PPP2R2C: variants seen among roughly 807,000 people sequenced by gnomAD.
PPP2R2C encodes the protein protein phosphatase 2, regulatory subunit B, gamma.
In PPP2R2C, 10 loss-of-function variants were observed where a neutral mutation model predicts 45.3. That is an observed-to-expected ratio of 0.22 (90% confidence interval 0.14 to 0.37). The LOEUF is 0.37. Ranked by LOEUF, PPP2R2C falls within the 10% of genes least tolerant of loss-of-function variation. PPP2R2C has a pLI of 1.00. For missense variants in PPP2R2C, 308 were observed against 619.7 expected (o/e 0.50, Z 5.34); for synonymous variants, 257 against 245.4 (o/e 1.05, Z -0.44).
At chr4:6,469,740 T>C (rs932466461) in intron 1 of PPP2R2C, among the ~76,000 whole-genome samples, 1 of 152,248 alleles carries the variant, frequency 6.6e-6, no homozygotes, top group African/African-American at 2.4e-5. Context: ...CATTCTGACA[T>C]TCAAATCTGT....
At chr4:6,549,225 A>G (rs1174796554) in intron 1 of PPP2R2C, among the ~76,000 whole-genome samples, 5 of 152,138 alleles carry the variant, frequency 3.3e-5, no homozygotes, top group Non-Finnish European at 4.4e-5. Context: ...AGGCAGACTG[A>G]CGCTGTAAAA....
In PPP2R2C at chr4:6,330,521, T is replaced by C. The variant is rs903070415; in HGVS notation, c.961-1168A>G. On this transcript the variant is annotated intron_variant, in intron 7 of 8. Coordinates refer to ENST00000382599, the MANE Select transcript of PPP2R2C (RefSeq NM_020416.4). This position sits in a 1 kb window ranked among gnomAD's most constrained non-coding sequence, Gnocchi z 7.0. ...GCCTTGTCCAATCAGTCGAAGGCCC[T>C]GATAGAACAAAGACAGACCTCCCTG... 5.9e-5 allele frequency among the ~76,000 whole-genome samples: 9 copies of C among 152,208 alleles called. No homozygotes were observed. Among genetic ancestry groups the C allele is most frequent in the African/African-American group, 1.9e-4 (8 of 41,506 alleles).
Position 6,511,485 on chromosome 4 carries a change from G to A in PPP2R2C, c.49+23786C>T, listed in dbSNP as rs371622815. On this transcript the variant is annotated intron_variant, in intron 2 of 9. Transcript: ENST00000506140. ...TGACGGTGGTGGTGGTGATGGCGGT[G>A]TTGGTGGTGATGGCGGTGATGGTGG... 4.1e-5 allele frequency among the ~76,000 whole-genome samples: 5 copies of A among 121,788 alleles called. No individual in the cohort carries two copies. The East Asian group carries it at 1.2e-3, about 30-fold the overall frequency. The allele number at this position is 121,788 out of a possible 152,430, so 79.9% of individuals were successfully genotyped here.
chr4:6,520,281 G>C (rs938960425), intron 2 of PPP2R2C, among the ~76,000 whole-genome samples: 1 of 152,128 alleles, frequency 6.6e-6, no homozygotes, highest in Non-Finnish European at 1.5e-5. Context: ...GCTCCGGCCC[G>C]GGCTGGGCTC....
chr4:6,540,634 T>C (rs1724777857), intron 1 of PPP2R2C, among the ~76,000 whole-genome samples: 1 of 152,252 alleles, frequency 6.6e-6, no homozygotes, highest in African/African-American at 2.4e-5. Flanking sequence ...ATGTTTAACC[T>C]TTTGAGGAAC....
chr4:6,436,112 C>T (rs1719880028), intron 1 of PPP2R2C, among the ~76,000 whole-genome samples: 1 of 152,190 alleles, frequency 6.6e-6, no homozygotes, highest in South Asian at 2.1e-4. Flanking sequence ...CATCTATGAA[C>T]AAGAAAACAG....
At chr4:6,427,832 G>A (rs567006511) in intron 1 of PPP2R2C, among the ~76,000 whole-genome samples, 2 of 151,782 alleles carry the variant, frequency 1.3e-5, no homozygotes, top group Non-Finnish European at 2.9e-5. Flanking sequence ...AGGTGTAGAG[G>A]TAGATGGCTG....
chr4:6,498,384 A>T (rs532240580), intron 2 of PPP2R2C, among the ~76,000 whole-genome samples: 10 of 152,382 alleles, frequency 6.6e-5, no homozygotes, highest in Admixed American at 3.3e-4. Context: ...AGAGAATAGT[A>T]GGCTCAATGC....
At chr4:6,480,596 T>C (rs1156625377) in intron 2 of PPP2R2C, among the ~76,000 whole-genome samples, 1 of 152,238 alleles carries the variant, frequency 6.6e-6, no homozygotes, top group Non-Finnish European at 1.5e-5. Flanking sequence ...TCTAACCTTT[T>C]TGGATTTCAA....
rs1223725304 is a variant in PPP2R2C at position 6,330,266 on chromosome 4, G to A, written c.961-913C>T. Among the ~76,000 whole-genome samples, 1 of 152,202 alleles carries A rather than the reference G, an allele frequency of 6.6e-6. No individual in the cohort carries two copies. Among genetic ancestry groups the A allele is most frequent in the African/African-American group, 2.4e-5 (1 of 41,454 alleles). On this transcript the variant is annotated intron_variant, in intron 7 of 8. Coordinates refer to ENST00000382599, the MANE Select transcript of PPP2R2C (RefSeq NM_020416.4). The surrounding 1 kb of genome is among the most constrained non-coding windows in gnomAD (Gnocchi z 7.0). ...GGGCTCTGCCCTCTGGGTGCGGAAG[G>A]GAAGGTAACTGGGTGCCATGGAGCC...
At chr4:6,437,835 C>A (rs1369643963) in intron 1 of PPP2R2C, among the ~76,000 whole-genome samples, 1 of 152,214 alleles carries the variant, frequency 6.6e-6, no homozygotes, top group Non-Finnish European at 1.5e-5. Flanking sequence ...CCTCAACACC[C>A]CTGTGTAGAT....
At chr4:6,440,293 T>A (rs1720089599) in intron 1 of PPP2R2C, among the ~76,000 whole-genome samples, 1 of 152,240 alleles carries the variant, frequency 6.6e-6, no homozygotes, top group African/African-American at 2.4e-5. Context: ...TCTATTTAAG[T>A]TATCAGAAAA....
chr4:6,346,951 T>C (rs1712014066), intron 6 of PPP2R2C, among the ~76,000 whole-genome samples: 3 of 152,202 alleles, frequency 2.0e-5, no homozygotes, highest in Admixed American at 2.0e-4. Context: ...CCCTGCCCTC[T>C]GCCTGGGGGA....
At chr4:6,469,077 C>CAAAAAAA (rs142008829) in intron 1 of PPP2R2C, among the ~76,000 whole-genome samples, 4 of 56,192 alleles carry the variant, frequency 7.1e-5, no homozygotes, top group African/African-American at 2.8e-4. Context: ...GCCCTGCCAC[C>CAAAAAAA]AAAAAAAAAA....
chr4:6,383,233 G>A, intron 1 of PPP2R2C: 1 of 1,207,036 alleles, frequency 8.3e-7, no homozygotes, highest in African/African-American at 1.6e-5. Context: ...GGGTGCAGAA[G>A]AACCCCCCCA....
At chr4:6,359,281 T>C (rs377068488) in intron 5 of PPP2R2C, among the ~76,000 whole-genome samples, 2 of 152,022 alleles carry the variant, frequency 1.3e-5, no homozygotes, top group African/African-American at 4.8e-5. Context: ...CACTCATAGG[T>C]GGGAAGTGAA....
In PPP2R2C at chr4:6,538,407, C is replaced by T. The variant is rs117944357; in HGVS notation, c.-58-3030G>A. Reference sequence around the variant, plus strand: ...CACAGGTGCATTGAGCCAAGTTCATCGTCCCCAGCGACGCAAGCGTTTCAG... The same window carrying T: ...CACAGGTGCATTGAGCCAAGTTCATTGTCCCCAGCGACGCAAGCGTTTCAG... On this transcript the variant is annotated intron_variant, in intron 1 of 9. Transcript: ENST00000506140. 3.3e-5 allele frequency among the ~76,000 whole-genome samples: 5 copies of T among 152,234 alleles called. No individual in the cohort carries two copies. The East Asian group carries it at 7.7e-4, about 23-fold the overall frequency.
At chr4:6,393,144 G>A (rs928638224) in intron 1 of PPP2R2C, among the ~76,000 whole-genome samples, 2 of 152,164 alleles carry the variant, frequency 1.3e-5, no homozygotes, top group African/African-American at 2.4e-5. Flanking sequence ...CATCACCACA[G>A]TCTAATGCCA....
At position 6,378,576 on chromosome 4, in the gene PPP2R2C, C is replaced by T; in HGVS notation, c.169-4G>A. 1 of 1,611,142 alleles carries T rather than the reference C, an allele frequency of 6.2e-7. No individual in the cohort carries two copies. The highest frequency in any genetic ancestry group is 8.5e-7 in the Non-Finnish European group (1 of 1,178,114). On this transcript the variant is annotated splice_region_variant and splice_polypyrimidine_tract_variant and intron_variant, in intron 2 of 8. Transcript: ENST00000382599. This position sits in a 1 kb window ranked among gnomAD's most constrained non-coding sequence, Gnocchi z 5.2. ...GGCTGTGGGGCGCATTTTTACTCTG[C>T]AGGGAAACCCGGAGAAGGGGCCTGA...
Sources: gnomAD v4.1 joint callset for allele counts (sites outside exome capture counted in the v4.1 genomes callset) on GRCh38, gnomAD v4.1.1 for gene constraint, Gnocchi (gnomAD v3.1) non-coding constraint, MANE v1.5 for transcripts, NCBI Gene and HGNC (gene_info 2026-07-23, HGNC 2026-07-21) for gene names.